FGD3: variants seen among roughly 807,000 people sequenced by gnomAD.
FGD3 encodes FYVE, RhoGEF and PH domain containing 3, also known as FYVE, RhoGEF and PH domain-containing protein 3.
FGD3 carries 45 observed loss-of-function variants against 71.8 expected under a neutral mutation model. The ratio of observed to expected loss-of-function variants is 0.63; its 90% CI spans 0.49 to 0.80. The LOEUF is 0.80. Ranked by LOEUF, FGD3 falls within the 30% of genes least tolerant of loss-of-function variation. The pLI is 0.00. For missense variants in FGD3, 844 were observed against 951.5 expected, an observed-to-expected ratio of 0.89 and a Z score of 1.49; for synonymous variants, 378 against 392.8, an observed-to-expected ratio of 0.96 and a Z score of 0.44.
At chr9:93,020,071 A>G (rs1211953084) in intron 12 of FGD3, among the ~76,000 whole-genome samples, 3 of 152,218 alleles carry the variant, frequency 2.0e-5, no homozygotes, top group East Asian at 1.9e-4. Context: ...AGGGCCCCCA[A>G]ATAAACATGA....
chr9:92,948,307 C>G (rs1395154705), intron 1 of FGD3, among the ~76,000 whole-genome samples: 1 of 152,226 alleles, frequency 6.6e-6, no homozygotes, highest in East Asian at 1.9e-4. Context: ...GAATATAAAA[C>G]CAGGGCGAAA....
intron 5 of FGD3, 40 bp from the exon 6 acceptor site, chr9:93,005,984 G>A (rs540363014): frequency 1.9e-6 from 3 of 1,560,010 alleles, no homozygotes; most frequent in Non-Finnish European, 2.6e-6. Flanking sequence ...AGTCCCCATT[G>A]CACCCAGCTA....
intron 3 of FGD3, among the ~76,000 whole-genome samples, chr9:93,000,525 T>A (rs1860820974): frequency 6.6e-6 from 1 of 152,206 alleles, no homozygotes; most frequent in Non-Finnish European, 1.5e-5. Flanking sequence ...TGTTTATTTC[T>A]CCATTTTTGA....
intron 3 of FGD3, among the ~76,000 whole-genome samples, chr9:92,995,871 G>A (rs767997246): frequency 2.0e-5 from 3 of 152,178 alleles, no homozygotes; most frequent in Non-Finnish European, 2.9e-5. Context: ...GCTGGATTCA[G>A]TTTGCCAGTA....
In FGD3 at chr9:92,976,541, C is replaced by T; in HGVS notation, c.285C>T (p.Gly95=). The T allele has an allele frequency of 6.2e-7, 1 of 1,612,616 alleles. No individual in the cohort carries two copies. Among genetic ancestry groups the T allele is most frequent in the Non-Finnish European group, 8.5e-7 (1 of 1,179,824 alleles). ...GAGAGAACTTTCCCTGCGAGGAGGG[C>T]TTGGAGGCTGGCCCAAGCCCCACTG... ...VAGENFPCEE[G]LEAGPSPTVL... Residue 95 remains glycine (G), a synonymous_variant, in exon 3 of 18, where the codon GGC becomes GGT. Transcript: ENST00000375482.
chr9:93,017,791 G>A (rs1352173867), intron 10 of FGD3, among the ~76,000 whole-genome samples: 1 of 152,286 alleles, frequency 6.6e-6, no homozygotes, highest in East Asian at 1.9e-4. Flanking sequence ...AGTGGTGCCT[G>A]TGGGGAATGG....
At chr9:92,962,721 A>C (rs1036051093) in intron 1 of FGD3, among the ~76,000 whole-genome samples, 3 of 152,150 alleles carry the variant, frequency 2.0e-5, no homozygotes, top group African/African-American at 7.2e-5. Context: ...CAGACAGATC[A>C]CCTGAGGTCA....
At chr9:92,973,126 T>A (rs1859597378) in intron 1 of FGD3, among the ~76,000 whole-genome samples, 1 of 145,722 alleles carries the variant, frequency 6.9e-6, no homozygotes, top group African/African-American at 2.6e-5. Flanking sequence ...TTTTTTTTTT[T>A]TTTTTTGAGA....
At chr9:93,005,610 C>T (rs139935041) in intron 5 of FGD3, among the ~76,000 whole-genome samples, 15 of 152,324 alleles carry the variant, frequency 9.8e-5, no homozygotes, top group African/African-American at 3.6e-4. Flanking sequence ...ATCAGTACTA[C>T]AAAGAGCTAC....
At chr9:93,032,687 G>A (rs918594813) in intron 15 of FGD3, 82 bp from the exon 16 acceptor site, 19 of 1,006,650 alleles carry the variant, frequency 1.9e-5, no homozygotes, top group Admixed American at 4.6e-5. Context: ...TCCACCTCCC[G>A]CCCACTCTAC....
intron 1 of FGD3, among the ~76,000 whole-genome samples, chr9:92,949,884 G>A (rs1008851455): frequency 1.3e-5 from 2 of 152,130 alleles, no homozygotes; most frequent in Admixed American, 6.5e-5. Context: ...TGTGCCTACC[G>A]GCAGAGGCTC....
chr9:92,950,258 A>G (rs1369966147), intron 1 of FGD3, among the ~76,000 whole-genome samples: 1 of 152,084 alleles, frequency 6.6e-6, no homozygotes, highest in African/African-American at 2.4e-5. Flanking sequence ...TCTACTAAAA[A>G]TACAAAAAAT....
At chr9:92,973,059 A>ATTGAATT (rs1432016971) in intron 1 of FGD3, among the ~76,000 whole-genome samples, 1 of 141,322 alleles carries the variant, frequency 7.1e-6, no homozygotes, top group African/African-American at 2.6e-5. Flanking sequence ...GTCAGTTTAT[A>ATTGAATT]TTGAATTTTT....
intron 1 of FGD3, among the ~76,000 whole-genome samples, chr9:92,961,633 G>T (rs945618723): frequency 5.3e-5 from 8 of 152,150 alleles, no homozygotes; most frequent in African/African-American, 1.9e-4. Flanking sequence ...AGTTTTGATG[G>T]GTCAGTATTG....
intron 1 of FGD3, among the ~76,000 whole-genome samples, chr9:92,950,661 AG>A (rs1199601939): frequency 1.3e-5 from 2 of 152,166 alleles, no homozygotes; most frequent in African/African-American, 2.4e-5. Flanking sequence ...GGTTCATTCA[AG>A]GCTGGCAAAT....
intron 1 of FGD3, among the ~76,000 whole-genome samples, chr9:92,962,988 T>C (rs1170288514): frequency 6.6e-6 from 1 of 150,864 alleles, no homozygotes. Flanking sequence ...GCAATATGGC[T>C]GAGGCCACAG....
intron 3 of FGD3, among the ~76,000 whole-genome samples, chr9:92,980,562 T>A (rs1859949562): frequency 7.3e-6 from 1 of 137,112 alleles, no homozygotes; most frequent in Non-Finnish European, 1.5e-5. Flanking sequence ...GATTCAAGAT[T>A]TTTTTTTTTT....
At chr9:93,024,682 G>A (rs551912488) in intron 14 of FGD3, among the ~76,000 whole-genome samples, 4 of 152,388 alleles carry the variant, frequency 2.6e-5, no homozygotes, top group South Asian at 4.1e-4. Flanking sequence ...CGTGCTGAGG[G>A]ATGCCCTGGG....
intron 3 of FGD3, among the ~76,000 whole-genome samples, chr9:92,990,409 A>C (rs972911366): frequency 2.1e-4 from 32 of 152,210 alleles, no homozygotes; most frequent in African/African-American, 6.8e-4. Flanking sequence ...GATGCCTTTT[A>C]TTTCTTTCTC....
Sources: allele counts gnomAD v4.1 joint callset (sites outside exome capture counted in the v4.1 genomes callset), GRCh38; gene constraint gnomAD v4.1.1; transcripts MANE v1.5; gene names NCBI Gene and HGNC (gene_info 2026-07-23, HGNC 2026-07-21).